The following ADGRB3 variants were observed in gnomAD, a reference collection of about 807,000 sequenced individuals.
ADGRB3 encodes adhesion G protein-coupled receptor B3.
In ADGRB3, 37 loss-of-function variants were observed where a neutral mutation model predicts 193.4. The observed-to-expected ratio is 0.19, with a 90% CI of 0.15 to 0.25. The LOEUF is 0.25. Ranked by LOEUF, ADGRB3 falls within the 10% of genes least tolerant of loss-of-function variation. The pLI is 1.00. For synonymous variants in ADGRB3, 690 were observed against 644.2 expected (o/e 1.07, Z -1.08); for missense variants, 1,637 against 1,852.9 (o/e 0.88, Z 2.14).
chr6:68,890,910 G>A (rs1212758229), intron 3 of ADGRB3, among the ~76,000 whole-genome samples: 2 of 152,176 alleles, frequency 1.3e-5, no homozygotes, highest in Non-Finnish European at 2.9e-5. Context: ...ACTTGAGGAT[G>A]GAAATGCATG....
chr6:68,660,177 C>T (rs1248052573), intron 3 of ADGRB3, among the ~76,000 whole-genome samples: 2 of 150,312 alleles, frequency 1.3e-5, no homozygotes, highest in African/African-American at 4.9e-5. Flanking sequence ...GTTGAGTTGA[C>T]TAGATAAAGA....
At chr6:68,700,890 C>T (rs1214259749) in intron 3 of ADGRB3, among the ~76,000 whole-genome samples, 1 of 151,740 alleles carries the variant, frequency 6.6e-6, no homozygotes, top group African/African-American at 2.4e-5. Flanking sequence ...TTAACGGGTG[C>T]AGCAAACCAA....
intron 10 of ADGRB3, among the ~76,000 whole-genome samples, chr6:68,984,821 G>A (rs968249854): frequency 2.0e-5 from 3 of 152,102 alleles, no homozygotes; most frequent in African/African-American, 7.2e-5. Context: ...CCAGAGGAAA[G>A]CAGATGGGAA....
intron 3 of ADGRB3, among the ~76,000 whole-genome samples, chr6:68,867,505 G>A (rs960486206): frequency 2.6e-5 from 4 of 152,316 alleles, no homozygotes; most frequent in East Asian, 1.9e-4. Flanking sequence ...GAAATGTGGG[G>A]TTGGAGCCCC....
At chr6:69,035,012 T>A (rs1313751545) in intron 13 of ADGRB3, among the ~76,000 whole-genome samples, 1 of 152,082 alleles carries the variant, frequency 6.6e-6, no homozygotes, top group African/African-American at 2.4e-5. Context: ...GGGAAAGACA[T>A]GATGTTTTCA....
chr6:69,182,104 A>C (rs765395248), intron 17 of ADGRB3, among the ~76,000 whole-genome samples: 1 of 152,174 alleles, frequency 6.6e-6, no homozygotes, highest in Non-Finnish European at 1.5e-5. Flanking sequence ...AAAGACTGAA[A>C]ATGGAAGGAT....
intron 17 of ADGRB3, among the ~76,000 whole-genome samples, chr6:69,175,773 GA>G (rs1775403554): frequency 6.6e-6 from 1 of 152,202 alleles, no homozygotes; most frequent in African/African-American, 2.4e-5. Context: ...CATGAGCAAG[GA>G]ATGTTTTTTC....
intron 3 of ADGRB3, among the ~76,000 whole-genome samples, chr6:68,700,023 A>T (rs1765216156): frequency 6.6e-6 from 1 of 152,184 alleles, no homozygotes; most frequent in South Asian, 2.1e-4. Context: ...TCTGTAAAAC[A>T]TATAAATGCA....
chr6:68,767,608 G>A (rs971153240), intron 3 of ADGRB3, among the ~76,000 whole-genome samples: 6 of 152,134 alleles, frequency 3.9e-5, no homozygotes, highest in Admixed American at 2.0e-4. Flanking sequence ...AAAGCTGGAA[G>A]CATTCCCTTT....
chr6:69,268,579 C>T (rs1561971893), intron 20 of ADGRB3, among the ~76,000 whole-genome samples: 2 of 152,152 alleles, frequency 1.3e-5, no homozygotes, highest in African/African-American at 4.8e-5. Context: ...AAAGTATTGA[C>T]ATACTCTGGC....
intron 6 of ADGRB3, among the ~76,000 whole-genome samples, chr6:68,953,406 T>C (rs1000872487): frequency 2.6e-5 from 4 of 152,140 alleles, no homozygotes; most frequent in Non-Finnish European, 5.9e-5. Context: ...GCCAAATAGA[T>C]TGTAAGGTGT....
intron 30 of ADGRB3, among the ~76,000 whole-genome samples, chr6:69,378,771 G>T (rs1769885663): frequency 6.6e-6 from 1 of 151,884 alleles, no homozygotes; most frequent in Non-Finnish European, 1.5e-5. Flanking sequence ...ATCAGACTTG[G>T]CATATTCCAA....
intron 20 of ADGRB3, among the ~76,000 whole-genome samples, chr6:69,300,483 A>T (rs1767926678): frequency 6.6e-6 from 1 of 151,806 alleles, no homozygotes; most frequent in Non-Finnish European, 1.5e-5. Flanking sequence ...CAAAAAAGGG[A>T]AATAAATAAA....
At chr6:68,744,610 C>T (rs1392510973) in intron 3 of ADGRB3, among the ~76,000 whole-genome samples, 5 of 152,018 alleles carry the variant, frequency 3.3e-5, no homozygotes, top group East Asian at 1.9e-4. Context: ...AGCTGGAAAC[C>T]ATCATTCTCA....
chr6:68,671,718 T>C (rs1026842265), intron 3 of ADGRB3, among the ~76,000 whole-genome samples: 6 of 151,992 alleles, frequency 3.9e-5, no homozygotes, highest in Non-Finnish European at 7.4e-5. Context: ...TGTAGGTTTT[T>C]GTTTTGTTTT....
At chr6:68,778,401 G>T (rs1197897581) in intron 3 of ADGRB3, among the ~76,000 whole-genome samples, 3 of 152,016 alleles carry the variant, frequency 2.0e-5, no homozygotes, top group Non-Finnish European at 4.4e-5. Flanking sequence ...GCAATGTATT[G>T]TCATGCCCAC....
At chr6:69,342,460 A>C (rs1312363277) in intron 26 of ADGRB3, among the ~76,000 whole-genome samples, 1 of 152,166 alleles carries the variant, frequency 6.6e-6, no homozygotes. Flanking sequence ...GATTTCATTT[A>C]AACACCTTAT....
At chr6:68,973,774 A>T (rs1466241051) in intron 8 of ADGRB3, among the ~76,000 whole-genome samples, 1 of 152,176 alleles carries the variant, frequency 6.6e-6, no homozygotes, top group Non-Finnish European at 1.5e-5. Flanking sequence ...TGTAAATGAC[A>T]ATTTTGTATG....
At chr6:68,998,745 A>G (rs1224685735) in intron 11 of ADGRB3, among the ~76,000 whole-genome samples, 4 of 152,226 alleles carry the variant, frequency 2.6e-5, no homozygotes, top group African/African-American at 7.2e-5. Flanking sequence ...CATTATCACC[A>G]TTTTCAACTA....
Sources: gnomAD v4.1 joint callset for allele counts (sites outside exome capture counted in the v4.1 genomes callset) on GRCh38, gnomAD v4.1.1 for gene constraint, MANE v1.5 for transcripts, NCBI Gene and HGNC (gene_info 2026-07-23, HGNC 2026-07-21) for gene names.